UBAP1: variants seen among roughly 807,000 people sequenced by gnomAD.
UBAP1 encodes ubiquitin associated protein 1, also known as ubiquitin-associated protein 1.
A neutral mutation model predicts 39.0 loss-of-function variants in UBAP1; 5 were observed. The ratio of observed to expected loss-of-function variants is 0.13; its 90% CI spans 0.07 to 0.27. The LOEUF (loss-of-function observed/expected upper bound fraction) is 0.27. Ranked by LOEUF, UBAP1 falls within the 10% of genes least tolerant of loss-of-function variation. The probability of loss-of-function intolerance (pLI) is 1.00; values close to 1 mark genes in which losing one functional copy is unlikely to be tolerated. For synonymous variants in UBAP1, 211 were observed against 225.1 expected, an observed-to-expected ratio of 0.94 and a Z score of 0.56; for missense variants, 490 against 608.1, an observed-to-expected ratio of 0.81 and a Z score of 2.04.
At chr9:34,236,357 C>T (rs1833701115) in intron 3 of UBAP1, among the ~76,000 whole-genome samples, 1 of 152,152 alleles carries the variant, frequency 6.6e-6, no homozygotes, top group South Asian at 2.1e-4. Flanking sequence ...GCTGTACCAT[C>T]TAGGTTTGTG....
At chr9:34,201,964 C>T (rs952910578) in intron 1 of UBAP1, among the ~76,000 whole-genome samples, 1 of 152,224 alleles carries the variant, frequency 6.6e-6, no homozygotes, top group East Asian at 1.9e-4. Flanking sequence ...AAGGCGATTG[C>T]AAAGTATACA....
intron 3 of UBAP1, among the ~76,000 whole-genome samples, chr9:34,239,603 G>A (rs1833863942): frequency 6.6e-6 from 1 of 152,190 alleles, no homozygotes; most frequent in Admixed American, 6.5e-5. Context: ...AGCCCTTAGT[G>A]TCATGGTTTA....
rs1554645042 is a variant in UBAP1 at position 34,182,681 on chromosome 9, T to TCTCTC, written c.-8+3441_-8+3442insCTCTC. 4.9e-3 allele frequency among the ~76,000 whole-genome samples: 570 copies of TCTCTC among 115,452 alleles called. 4 individuals are homozygous for TCTCTC. The highest frequency in any genetic ancestry group is 0.011 in the South Asian group (34 of 3,236). 75.7% of individuals were successfully genotyped at this position (115,452 alleles called of 152,430 possible). A position where few individuals can be genotyped will look rare whatever the true frequency, so the allele number is the denominator to read the frequency against. ...TTTCTTTCTTTCTTTCTTTCTTTCT[T>TCTCTC]TCTCTCTCTCTTTCTTTTCTTTTCT... On this transcript the variant is annotated intron_variant, in intron 1 of 6. Coordinates refer to ENST00000297661, the MANE Select transcript of UBAP1 (RefSeq NM_016525.5).
At chr9:34,238,215 A>G (rs1003214617) in intron 3 of UBAP1, among the ~76,000 whole-genome samples, 2 of 152,236 alleles carry the variant, frequency 1.3e-5, no homozygotes, top group African/African-American at 4.8e-5. Flanking sequence ...TTGTAGGTGA[A>G]TAATATTTCA....
chr9:34,249,978 C>T lies in UBAP1; in HGVS notation c.1266+17C>T, dbSNP rs376357847. On this transcript the variant is annotated intron_variant, in intron 5 of 6. Transcript: ENST00000297661. ...ATTGAGCAGGTGAGCGGTTGGTCAG[C>T]CAGGAGGGCAGGCTCAGACCTGTGG... is the stretch of plus-strand genomic sequence containing the variant. 1.5e-4 allele frequency: 248 copies of T among 1,612,748 alleles called. 3 individuals are homozygous for T. The African/African-American group carries it at 2.9e-3, about 19-fold the overall frequency.
chr9:34,182,655 C>CTT (rs1563881108), intron 1 of UBAP1, among the ~76,000 whole-genome samples: 48 of 60,602 alleles, frequency 7.9e-4, no homozygotes, highest in African/African-American at 1.9e-3. Context: ...TTCTTTCTTT[C>CTT]TTTCTTTCTT....
chr9:34,193,970 G>A (rs1314900883), intron 1 of UBAP1, among the ~76,000 whole-genome samples: 1 of 152,276 alleles, frequency 6.6e-6, no homozygotes, highest in East Asian at 1.9e-4. Context: ...GGCAGAGGAA[G>A]AGGTTTTGTT....
chr9:34,181,762 G>GA (rs1208196218), intron 1 of UBAP1, among the ~76,000 whole-genome samples: 1 of 147,090 alleles, frequency 6.8e-6, no homozygotes, highest in South Asian at 2.1e-4. Flanking sequence ...GAAGGCAAAG[G>GA]AAAAAAATTA....
At chr9:34,250,945 A>G (rs1834473267) in intron 6 of UBAP1, 186 bp downstream of exon 6, 2 of 612,224 alleles carry the variant, frequency 3.3e-6, no homozygotes, top group African/African-American at 3.7e-5. Context: ...TGGTGGTTGA[A>G]GCATTGGGTT....
intron 1 of UBAP1, among the ~76,000 whole-genome samples, chr9:34,184,630 GA>G (rs560379399): frequency 0.012 from 1,152 of 94,416 alleles, 10 homozygotes; most frequent in African/African-American, 0.015. Context: ...GACTCCGTCT[GA>G]AAAAAAAAAA....
rs979659923 is a variant in UBAP1, at chr9:34,241,426, G to A, written c.401G>A (p.Arg134Gln). The change falls in exon 4 of 7, where the codon CGG becomes CAG. Residue 134 changes from arginine to glutamine, a missense_variant. This residue lies in a region of UBAP1 where 144 missense variants were observed against 184.4 expected (regional missense o/e 0.78). Transcript: ENST00000297661. ...LQHNSILTPT[R>Q]VSSSATKQKV... ...CACAACAGCATCCTCACACCAACTC[G>A]GGTCAGCAGTAGTGCCACGAAACAG... The A allele has an allele frequency of 2.5e-6, 4 of 1,592,122 alleles. No individual in the cohort carries two copies. Among genetic ancestry groups the A allele is most frequent in the South Asian group, 1.2e-5 (1 of 86,388 alleles).
intron 1 of UBAP1, among the ~76,000 whole-genome samples, chr9:34,182,681 T>TCTCTCTCTCTCTCTC (rs1554645042): frequency 9.5e-5 from 11 of 115,596 alleles, no homozygotes; most frequent in African/African-American, 3.7e-4. Context: ...CTTTCTTTCT[T>TCTCTCTCTCTCTCTC]TCTCTCTCTC....
chr9:34,194,668 A>G (rs1401489303), intron 1 of UBAP1, among the ~76,000 whole-genome samples: 3 of 152,248 alleles, frequency 2.0e-5, no homozygotes, highest in African/African-American at 7.2e-5. Flanking sequence ...GAATATTTAT[A>G]TAAAATATTT....
chr9:34,224,057 G>C (rs1832907699), intron 2 of UBAP1: 1 of 571,948 alleles, frequency 1.7e-6, no homozygotes, highest in Non-Finnish European at 3.1e-6. Context: ...ATAGCCGTCT[G>C]TTTGGCCACA....
At chr9:34,226,307 G>C (rs1244114815) in intron 2 of UBAP1, among the ~76,000 whole-genome samples, 1 of 147,802 alleles carries the variant, frequency 6.8e-6, no homozygotes, top group African/African-American at 2.5e-5. Context: ...TCTGCTCACT[G>C]CAACCTCTGC....
In UBAP1 at chr9:34,250,737, T is replaced by C. The variant is rs1834450566; in HGVS notation, c.1346T>C (p.Met449Thr). 3.1e-6 allele frequency: 5 copies of C among 1,613,402 alleles called. No homozygotes were observed. Among genetic ancestry groups the C allele is most frequent in the Non-Finnish European group, 3.4e-6 (4 of 1,179,534 alleles). The change falls in exon 6 of 7, where the codon ATG becomes ACG. Residue 449 changes from methionine (M) to threonine (T), a missense_variant. Met to Thr is a moderately conservative substitution (Grantham distance 81). Around this residue, in one of 3 missense-constraint regions of UBAP1, gnomAD observed 339 missense variants for 390.0 expected, o/e 0.87. Transcript: ENST00000297661. The stretch of plus-strand genomic sequence containing the variant: ...CTTTTAGTGGAAGAGGCTCTGGAAA[T>C]GCACCAGTGTTCAGAAGAAAAGGTG... ...DPLLVEEALEMHQCSEEKMME... is the reference protein window; with the variant it reads ...DPLLVEEALETHQCSEEKMME...
Position 34,196,592 on chromosome 9 carries a change from C to T in UBAP1, c.-8+17352C>T, listed in dbSNP as rs115898328. ...TCGGCCTCCCAAAGTGCTGGGATTA[C>T]GGCCACGGCGCCCAGCCTAAATAAT... On this transcript the variant is annotated intron_variant, in intron 1 of 6. Transcript: ENST00000297661. Among the ~76,000 whole-genome samples, 106 of 152,100 alleles carry T rather than the reference C, an allele frequency of 7.0e-4. 1 individual carries two copies. The Middle Eastern group carries it at 0.01, about 15-fold the overall frequency.
intron 3 of UBAP1, among the ~76,000 whole-genome samples, chr9:34,234,872 T>C (rs887195478): frequency 6.6e-6 from 1 of 152,138 alleles, no homozygotes; most frequent in Non-Finnish European, 1.5e-5. Flanking sequence ...TTCTACTTAT[T>C]AAAAAAGTTA....
chr9:34,227,169 G>A (rs924973079), intron 2 of UBAP1, among the ~76,000 whole-genome samples: 1 of 152,062 alleles, frequency 6.6e-6, no homozygotes, highest in South Asian at 2.1e-4. Context: ...TATATGGCTT[G>A]TTTTGTTGTT....
Sources: allele counts gnomAD v4.1 joint callset (sites outside exome capture counted in the v4.1 genomes callset), GRCh38; gene constraint gnomAD v4.1.1; regional missense constraint gnomAD v4.1.1; transcripts MANE v1.5; gene names NCBI Gene and HGNC (gene_info 2026-07-23, HGNC 2026-07-21).